SLC24A2: variants seen among roughly 807,000 people sequenced by gnomAD.
The protein encoded by SLC24A2 is sodium/potassium/calcium exchanger 2.
A neutral mutation model predicts 62.0 loss-of-function variants in SLC24A2; 36 were observed. The observed-to-expected ratio is 0.58, with a 90% CI of 0.44 to 0.77. The LOEUF is 0.77. SLC24A2 is among the 30% of genes least tolerant of loss of function. The pLI is 0.00. For synonymous variants in SLC24A2, 358 were observed against 294.0 expected (o/e 1.22, Z -2.23); for missense variants, 846 against 817.9 (o/e 1.03, Z -0.42).
At chr9:19,715,606 A>T (rs1166084346) in intron 2 of SLC24A2, among the ~76,000 whole-genome samples, 1 of 152,170 alleles carries the variant, frequency 6.6e-6, no homozygotes, top group Non-Finnish European at 1.5e-5. Flanking sequence ...GGCACAGTCA[A>T]CCTGTCCTCA....
the SLC24A2 span, among the ~76,000 whole-genome samples, chr9:20,199,880 G>A: frequency 2.1e-5 from 3 of 145,518 alleles, no homozygotes; most frequent in African/African-American, 7.8e-5. Flanking sequence ...CATTATGCCT[G>A]GCTAATTTTT....
At chr9:19,823,522 A>G in the SLC24A2 span, among the ~76,000 whole-genome samples, 780 of 152,190 alleles carry the variant, frequency 5.1e-3, 6 homozygotes, top group African/African-American at 0.018. Flanking sequence ...CCAGCTACTC[A>G]GGAGGCTGAG....
the SLC24A2 span, among the ~76,000 whole-genome samples, chr9:20,239,882 T>TG: frequency 6.6e-6 from 1 of 151,972 alleles, no homozygotes. Flanking sequence ...TCTGGCTTTT[T>TG]TTTTTTTTTG....
At chr9:20,036,697 T>C in the SLC24A2 span, among the ~76,000 whole-genome samples, 6,457 of 152,288 alleles carry the variant, frequency 0.042, 188 homozygotes, top group Middle Eastern at 0.082. Context: ...TAGAATTCCA[T>C]TGTGTATATA....
the SLC24A2 span, among the ~76,000 whole-genome samples, chr9:19,952,652 C>A: frequency 2.1e-5 from 3 of 145,506 alleles, no homozygotes; most frequent in African/African-American, 7.4e-5. Flanking sequence ...CTAATATTTG[C>A]CAAGCATTTT....
chr9:19,864,353 C>G, the SLC24A2 span, among the ~76,000 whole-genome samples: 1 of 151,524 alleles, frequency 6.6e-6, no homozygotes, highest in East Asian at 1.9e-4. Context: ...GATACCCAAA[C>G]AAGACAAAGA....
chr9:19,695,546 A>G (rs888892943), intron 2 of SLC24A2, among the ~76,000 whole-genome samples: 4 of 152,138 alleles, frequency 2.6e-5, no homozygotes, highest in African/African-American at 7.2e-5. Flanking sequence ...ATTTGGCAAT[A>G]TCTAGCAAAC....
the SLC24A2 span, among the ~76,000 whole-genome samples, chr9:19,850,695 T>C: frequency 6.6e-6 from 1 of 151,900 alleles, no homozygotes; most frequent in East Asian, 1.9e-4. Context: ...GGATATTTCA[T>C]ATAAATGGAA....
At chr9:19,768,975 A>C (rs1211247850) in intron 2 of SLC24A2, among the ~76,000 whole-genome samples, 1 of 152,118 alleles carries the variant, frequency 6.6e-6, no homozygotes, top group Admixed American at 6.5e-5. Context: ...ATTCCATCCC[A>C]TGGCTTTACA....
chr9:20,100,353 G>A, the SLC24A2 span, among the ~76,000 whole-genome samples: 1 of 152,138 alleles, frequency 6.6e-6, no homozygotes, highest in Admixed American at 6.5e-5. Context: ...AAGTCCCTAT[G>A]CCTGGCCTCC....
At chr9:20,081,079 A>G in the SLC24A2 span, among the ~76,000 whole-genome samples, 1 of 152,224 alleles carries the variant, frequency 6.6e-6, no homozygotes, top group Non-Finnish European at 1.5e-5. Context: ...GCGATTCCTC[A>G]GGGATCTAGA....
At chr9:19,912,616 T>A in the SLC24A2 span, among the ~76,000 whole-genome samples, 1 of 152,154 alleles carries the variant, frequency 6.6e-6, no homozygotes, top group Non-Finnish European at 1.5e-5. Flanking sequence ...CTCCCAGATT[T>A]GTCCTATTCA....
the SLC24A2 span, among the ~76,000 whole-genome samples, chr9:19,950,718 T>A: frequency 6.6e-6 from 1 of 152,180 alleles, no homozygotes; most frequent in South Asian, 2.1e-4. Context: ...ACTGCAAGTG[T>A]GGGAAGTGGT....
the SLC24A2 span, among the ~76,000 whole-genome samples, chr9:20,114,471 T>C: frequency 6.6e-6 from 1 of 152,090 alleles, no homozygotes; most frequent in African/African-American, 2.4e-5. Context: ...CCAAGGAACT[T>C]CATGACATTA....
At chr9:19,811,512 G>A in the SLC24A2 span, among the ~76,000 whole-genome samples, 1 of 151,800 alleles carries the variant, frequency 6.6e-6, no homozygotes, top group Non-Finnish European at 1.5e-5. Flanking sequence ...TTCTTTTCCT[G>A]CTTTCTTTGG....
At chr9:20,001,674 A>C in the SLC24A2 span, among the ~76,000 whole-genome samples, 1 of 152,132 alleles carries the variant, frequency 6.6e-6, no homozygotes, top group Non-Finnish European at 1.5e-5. Context: ...ACATCACCAA[A>C]GAGGTTGCTA....
At chr9:20,236,006 A>G in the SLC24A2 span, among the ~76,000 whole-genome samples, 8 of 152,328 alleles carry the variant, frequency 5.3e-5, no homozygotes, top group African/African-American at 1.7e-4. Flanking sequence ...TAGAAGCTCA[A>G]TTGATGTTTG....
chr9:19,815,209 A>T, the SLC24A2 span, among the ~76,000 whole-genome samples: 1 of 152,308 alleles, frequency 6.6e-6, no homozygotes, highest in Admixed American at 6.5e-5. Flanking sequence ...TATGGGAATA[A>T]TCAGATGATT....
the SLC24A2 span, among the ~76,000 whole-genome samples, chr9:20,252,679 A>C: frequency 1.3e-4 from 20 of 152,316 alleles, no homozygotes; most frequent in African/African-American, 4.3e-4. Flanking sequence ...GTTTGGATGA[A>C]TTGAACTGGT....
Sources: gnomAD v4.1 joint callset for allele counts (sites outside exome capture counted in the v4.1 genomes callset) on GRCh38, gnomAD v4.1.1 for gene constraint, MANE v1.5 for transcripts, NCBI Gene and HGNC (gene_info 2026-07-23, HGNC 2026-07-21) for gene names.